VWA5B1: variants seen among roughly 807,000 people sequenced by gnomAD.
VWA5B1 encodes the protein von Willebrand factor A domain containing 5B1, also known as von Willebrand factor A domain-containing protein 5B1.
A neutral mutation model predicts 118.2 loss-of-function variants in VWA5B1; 115 were observed. The ratio of observed to expected loss-of-function variants is 0.97; its 90% confidence interval spans 0.84 to 1.14. The LOEUF is 1.14. Among genes scored for constraint, VWA5B1 ranks in the 50% most tolerant of loss-of-function variants. The pLI is 0.00. For missense variants in VWA5B1, 1,596 were observed against 1,603.8 expected (o/e 1.00, Z 0.08); for synonymous variants, 682 against 658.4 (o/e 1.04, Z -0.55).
At chr1:20,314,289 A>G (rs2100850020) in intron 3 of VWA5B1, 33 bp from the exon 4 acceptor site, 33 of 1,546,688 alleles carry the variant, frequency 2.1e-5, no homozygotes, top group Non-Finnish European at 2.7e-5. Flanking sequence ...GAGATAATCT[A>G]TGTACAGCCC....
At chr1:20,314,861 A>C (rs1557839253) in intron 4 of VWA5B1, among the ~76,000 whole-genome samples, 3 of 151,990 alleles carry the variant, frequency 2.0e-5, no homozygotes, top group Non-Finnish European at 4.4e-5. Flanking sequence ...TCCAAATTTC[A>C]TAACTTTACT....
intron 14 of VWA5B1, among the ~76,000 whole-genome samples, chr1:20,340,129 C>A (rs1434800189): frequency 6.6e-6 from 1 of 152,044 alleles, no homozygotes; most frequent in Non-Finnish European, 1.5e-5. Flanking sequence ...CTCTCGCCCC[C>A]TCCTGCCTGG....
intron 4 of VWA5B1, 79 bp from the exon 5 acceptor site, chr1:20,317,451 G>C (rs4654851): frequency 0.28 from 416,294 of 1,502,996 alleles, 58,309 homozygotes; most frequent in East Asian, 0.38. Flanking sequence ...GGAACTCATC[G>C]TCCTCTCCTT....
rs1255370807 is a variant in VWA5B1 at position 20,342,501 on chromosome 1, T to C, written c.2203T>C (p.Ser735Pro). 6.4e-6 allele frequency: 10 copies of C among 1,551,060 alleles called. No homozygotes were observed. The East Asian group carries it at 2.2e-4, about 34-fold the overall frequency. ...KLRGPGARRP[S>P]LLPQGCQPFL... is the part of the protein sequence containing the mutation. ...CCGTGGCCCAGGGGCCCGAAGGCCC[T>C]CTCTGCTGCCCCAAGGCTGCCAGCC... The change falls in exon 15 of 22, where the codon TCT (serine) becomes CCT (proline). Residue 735 changes from serine (S) to proline (P), a missense_variant. Transcript: ENST00000289815.
chr1:20,337,762 C>T lies in VWA5B1; in HGVS notation c.2059C>T (p.Leu687=). The change falls in exon 14 of 22, where the codon CTG becomes TTG. Residue 687 remains leucine (L), a synonymous_variant. Transcript: ENST00000289815. ...CATGCCAGCTGCCAAGAGATACCCA[C>T]TGCGGAAAGCCAGGCTGCAGGACCT... ...DPMPAAKRYP[L]RKARLQDLTN... is the part of the protein sequence containing the mutation. The T allele has an allele frequency of 1.3e-6, 2 of 1,551,830 alleles. No homozygotes were observed. The highest frequency in any genetic ancestry group is 1.7e-6 in the Non-Finnish European group (2 of 1,147,028).
At position 20,323,551 on chromosome 1, in the gene VWA5B1, C is replaced by T; in HGVS notation, c.1143+19C>T. On this transcript the variant is annotated intron_variant, in intron 8 of 21. Transcript: ENST00000289815. ...AGTCAAGGTACCTGCTGAGAGAACCCCTCCCGAGGACCCGGGGCTCCAGGG... is the reference window on the plus strand; with the variant it reads ...AGTCAAGGTACCTGCTGAGAGAACCTCTCCCGAGGACCCGGGGCTCCAGGG... 2.2e-6 allele frequency: 3 copies of T among 1,380,532 alleles called. No homozygotes were observed. Among genetic ancestry groups the T allele is most frequent in the South Asian group, 1.7e-5 (1 of 59,030 alleles). The allele number at this position is 1,380,532 out of a possible 1,614,324, so 85.5% of individuals were successfully genotyped here.
chr1:20,348,564 A>ACCGG (rs1267616911), intron 18 of VWA5B1, among the ~76,000 whole-genome samples: 2 of 151,834 alleles, frequency 1.3e-5, no homozygotes, highest in Admixed American at 1.3e-4. Context: ...GGAGCGCACC[A>ACCGG]CCACTGACAC....
chr1:20,324,341 C>G (rs1209273170), intron 8 of VWA5B1, among the ~76,000 whole-genome samples: 1 of 152,090 alleles, frequency 6.6e-6, no homozygotes, highest in Non-Finnish European at 1.5e-5. Flanking sequence ...GAATCCTCCC[C>G]CCTCACAATC....
At chr1:20,298,200 G>T (rs1484591945) in intron 1 of VWA5B1, among the ~76,000 whole-genome samples, 1 of 151,690 alleles carries the variant, frequency 6.6e-6, no homozygotes, top group Non-Finnish European at 1.5e-5. Flanking sequence ...TGTAGAAATG[G>T]TCCCTCTATG....
intron 14 of VWA5B1, among the ~76,000 whole-genome samples, chr1:20,339,783 A>G (rs930855749): frequency 1.3e-5 from 2 of 152,034 alleles, no homozygotes; most frequent in African/African-American, 4.8e-5. Flanking sequence ...ACTTGATGCA[A>G]TCAGAAGGCA....
At chr1:20,313,936 C>T (rs1015575103) in intron 3 of VWA5B1, among the ~76,000 whole-genome samples, 1 of 151,952 alleles carries the variant, frequency 6.6e-6, no homozygotes, top group Non-Finnish European at 1.5e-5. Context: ...GGTAGACTGG[C>T]TAATTAGGGA....
intron 18 of VWA5B1, 164 bp downstream of exon 18, chr1:20,348,522 G>A: frequency 2.8e-6 from 2 of 714,240 alleles, no homozygotes; most frequent in Non-Finnish European, 4.8e-6. Context: ...GCTCTCTGAA[G>A]CCTAAGAGGG....
At chr1:20,327,648 G>A (rs1256211187) in intron 8 of VWA5B1, among the ~76,000 whole-genome samples, 1 of 149,978 alleles carries the variant, frequency 6.7e-6, no homozygotes, top group African/African-American at 2.5e-5. Context: ...TGACGACGAC[G>A]ACGATGATGA....
intron 8 of VWA5B1, 40 bp from the exon 9 acceptor site, chr1:20,327,850 C>A: frequency 6.6e-7 from 1 of 1,514,638 alleles, no homozygotes; most frequent in Non-Finnish European, 9.0e-7. Context: ...GTGACAAGAA[C>A]TCCTTCCTGA....
chr1:20,349,478 G>A (rs1466750114), intron 18 of VWA5B1, among the ~76,000 whole-genome samples: 2 of 151,992 alleles, frequency 1.3e-5, no homozygotes, highest in Non-Finnish European at 2.9e-5. Flanking sequence ...CCACCTCCTG[G>A]GTTCAAGCGA....
intron 6 of VWA5B1, 93 bp from the exon 7 acceptor site, chr1:20,319,289 C>G: frequency 6.7e-7 from 1 of 1,502,358 alleles, no homozygotes; most frequent in Non-Finnish European, 8.9e-7. Context: ...GGGAGTCCCA[C>G]CCCTGTGAGA....
rs1300609540 is a variant in VWA5B1 at position 20,298,886 on chromosome 1, T to C, written c.-27+7798T>C. Reference sequence around the variant, plus strand: ...TTCTCTTGCTTCTGTGGATGTGGGATACCGTTACCATGGATTTTGCTATGG... The same window carrying C: ...TTCTCTTGCTTCTGTGGATGTGGGACACCGTTACCATGGATTTTGCTATGG... On this transcript the variant is annotated intron_variant, in intron 1 of 21. Transcript: ENST00000289815. Among the ~76,000 whole-genome samples the C allele has an allele frequency of 4.6e-5, 7 of 152,146 alleles. No homozygotes were observed. The East Asian group carries it at 1.3e-3, about 29-fold the overall frequency.
intron 17 of VWA5B1, among the ~76,000 whole-genome samples, 199 bp downstream of exon 17, chr1:20,345,792 G>A (rs1457048653): frequency 6.6e-6 from 1 of 152,212 alleles, no homozygotes; most frequent in Non-Finnish European, 1.5e-5. Flanking sequence ...GCTCTGCAGA[G>A]GCCGTTAAAT....
intron 1 of VWA5B1, among the ~76,000 whole-genome samples, chr1:20,297,991 GGT>G (rs1278857901): frequency 7.8e-6 from 1 of 127,634 alleles, no homozygotes; most frequent in Non-Finnish European, 1.7e-5. Flanking sequence ...ATGACTCGGT[GGT>G]GGATTTTTTT....
Sources: allele counts gnomAD v4.1 joint callset (sites outside exome capture counted in the v4.1 genomes callset), GRCh38; gene constraint gnomAD v4.1.1; transcripts MANE v1.5; gene names NCBI Gene and HGNC (gene_info 2026-07-23, HGNC 2026-07-21).